The following SUGT1 variants were observed in gnomAD, a reference collection of about 807,000 sequenced individuals.
SUGT1 encodes the protein protein SGT1 homolog.
In SUGT1, 15 loss-of-function variants were observed where a neutral mutation model predicts 56.1. The observed-to-expected ratio is 0.27, with a 90% CI of 0.18 to 0.41. The LOEUF is 0.41. Ranked by LOEUF, SUGT1 falls within the 10% of genes least tolerant of loss-of-function variation. The pLI, the probability that SUGT1 is intolerant of heterozygous loss-of-function variation, is 1.00. For synonymous variants in SUGT1, 123 were observed against 128.6 expected (o/e 0.96, Z 0.30); for missense variants, 347 against 382.2 (o/e 0.91, Z 0.77).
rs550574799 is a variant in SUGT1 at position 52,690,221 on chromosome 13, T to C, written c.*2386T>C. On this transcript the variant is annotated 3_prime_UTR_variant, in exon 13 of 13. Coordinates refer to ENST00000310528, the MANE Select transcript of SUGT1 (RefSeq NM_006704.5). Reference sequence around the variant, plus strand: ...AGATTGCTGCCTAAGAATCCCACTCTAAAGTACTGCTTTGTTTAATCATTC... The same window carrying C: ...AGATTGCTGCCTAAGAATCCCACTCCAAAGTACTGCTTTGTTTAATCATTC... 9 of 152,346 alleles carry C rather than the reference T, an allele frequency of 5.9e-5. No homozygotes were observed. The highest frequency in any genetic ancestry group is 2.2e-4 in the African/African-American group (9 of 41,588). 9.4% of individuals were successfully genotyped at this position (152,346 alleles called of 1,614,324 possible).
chr13:52,666,721 CATT>C, intron 9 of SUGT1, 88 bp from the exon 10 acceptor site: 3 of 806,626 alleles, frequency 3.7e-6, no homozygotes, highest in Non-Finnish European at 6.1e-6. Flanking sequence ...TAATTTGTAA[CATT>C]ATTGAAGATT....
chr13:52,664,152 ATTTTTAAG>A, intron 8 of SUGT1, 95 bp downstream of exon 8: 1 of 1,310,878 alleles, frequency 7.6e-7, no homozygotes, highest in Non-Finnish European at 1.1e-6. Context: ...TTACCATGTG[ATTTTTAAG>A]TTTTTGTTTG....
intron 4 of SUGT1, 74 bp from the exon 5 acceptor site, chr13:52,659,105 A>T: frequency 8.0e-7 from 1 of 1,243,938 alleles, no homozygotes; most frequent in Non-Finnish European, 1.1e-6. Flanking sequence ...GAAAATACTA[A>T]GTTTTTTATT....
At chr13:52,658,223 G>T in intron 3 of SUGT1, 176 bp from the exon 4 acceptor site, 1 of 1,514,388 alleles carries the variant, frequency 6.6e-7, no homozygotes. Flanking sequence ...AAGCCAAAAG[G>T]AAGGTACAAG....
At chr13:52,657,340 T>C (rs146257485) in intron 2 of SUGT1, among the ~76,000 whole-genome samples, 192 bp from the exon 3 acceptor site, 34 of 152,318 alleles carry the variant, frequency 2.2e-4, no homozygotes, top group African/African-American at 7.9e-4. Context: ...TTGCCTACTT[T>C]TGGGAGGAGG....
chr13:52,655,524 C>T (rs939892735), intron 2 of SUGT1, among the ~76,000 whole-genome samples: 10 of 152,020 alleles, frequency 6.6e-5, no homozygotes, highest in Admixed American at 3.3e-4. Flanking sequence ...TAGTGCAGAC[C>T]GGGTCAAAGA....
At chr13:52,657,647 GC>G (rs1360895779) in intron 3 of SUGT1, 25 bp downstream of exon 3, 1 of 1,582,272 alleles carries the variant, frequency 6.3e-7, no homozygotes. Context: ...AAAGTATATT[GC>G]CCCCTTTTAA....
At position 52,698,318 on chromosome 13, in the gene SUGT1, G is replaced by A. The variant is rs758500900; in HGVS notation, c.*10483G>A. 6 of 151,954 alleles carry A rather than the reference G, an allele frequency of 3.9e-5. No individual in the cohort carries two copies. Among genetic ancestry groups the A allele is most frequent in the Non-Finnish European group, 5.9e-5 (4 of 67,988 alleles). The allele number at this position is 151,954 out of a possible 1,614,324, so 9.4% of individuals were successfully genotyped here. ...ATCTTAAATACTATGTAGTCCAAAC[G>A]TTTGGTTTTACAGATGCACTTTTTC... On this transcript the variant is annotated 3_prime_UTR_variant, in exon 13 of 13. Transcript: ENST00000310528.
intron 10 of SUGT1, among the ~76,000 whole-genome samples, chr13:52,669,936 T>G (rs965001319): frequency 6.6e-5 from 10 of 152,196 alleles, no homozygotes; most frequent in African/African-American, 2.4e-4. Context: ...GAGACAACAG[T>G]ACTAAAATAA....
intron 10 of SUGT1, 80 bp from the exon 11 acceptor site, chr13:52,676,150 G>T: frequency 1.8e-6 from 2 of 1,105,818 alleles, no homozygotes; most frequent in South Asian, 1.7e-5. Flanking sequence ...ACAAAACTTT[G>T]ATGACTTAAG....
chr13:52,682,867 T>C (rs1466958779), intron 12 of SUGT1, among the ~76,000 whole-genome samples: 1 of 152,224 alleles, frequency 6.6e-6, no homozygotes, highest in Non-Finnish European at 1.5e-5. Context: ...CATGTAAATT[T>C]TAGAATAAAG....
At position 52,699,642 on chromosome 13, in the gene SUGT1, C is replaced by T. The variant is rs1964030305; in HGVS notation, c.*11807C>T. 1 of 152,044 alleles carries T rather than the reference C, an allele frequency of 6.6e-6. No homozygotes were observed. The highest frequency in any genetic ancestry group is 2.4e-5 in the African/African-American group (1 of 41,398). 9.4% of individuals were successfully genotyped at this position (152,044 alleles called of 1,614,324 possible). A position where few individuals can be genotyped will look rare whatever the true frequency, so the allele number is the denominator to read the frequency against. ...CCATTTGCCTTTAACAGCATTAGTC[C>T]CGCTAAGAGAAAGTTTTTGCTTGTC... On this transcript the variant is annotated 3_prime_UTR_variant, in exon 13 of 13. Transcript: ENST00000310528.
chr13:52,699,923 A>C lies in SUGT1; in HGVS notation c.*12088A>C, dbSNP rs1040126443. 2 of 152,134 alleles carry C rather than the reference A, an allele frequency of 1.3e-5. No homozygotes were observed. The highest frequency in any genetic ancestry group is 3.8e-4 in the East Asian group (2 of 5,196). 9.4% of individuals were successfully genotyped at this position (152,134 alleles called of 1,614,324 possible). A position where few individuals can be genotyped will look rare whatever the true frequency, so the allele number is the denominator to read the frequency against. On this transcript the variant is annotated 3_prime_UTR_variant, in exon 13 of 13. Coordinates refer to ENST00000310528, the MANE Select transcript of SUGT1 (RefSeq NM_006704.5). ...TTTCACACTATCTTGTTACTATTAG[A>C]ATTTTTGTAGCCATGTGCAGAGGAG...
chr13:52,654,777 T>G (rs1183943280), intron 2 of SUGT1, among the ~76,000 whole-genome samples: 3 of 152,260 alleles, frequency 2.0e-5, no homozygotes, highest in African/African-American at 7.2e-5. Flanking sequence ...TCTTTCGCAT[T>G]GCTGTGTAAT....
At chr13:52,665,805 A>G (rs1423964386) in intron 9 of SUGT1, 72 bp downstream of exon 9, 1 of 981,642 alleles carries the variant, frequency 1.0e-6, no homozygotes. Flanking sequence ...AGAATAATCG[A>G]TAACGGTTTA....
chr13:52,680,355 G>T (rs1389662261), intron 12 of SUGT1, among the ~76,000 whole-genome samples, 200 bp downstream of exon 12: 1 of 152,154 alleles, frequency 6.6e-6, no homozygotes, highest in East Asian at 1.9e-4. Flanking sequence ...GAAACAAGTG[G>T]TTTATCTTAA....
At chr13:52,659,018 C>T (rs1335663935) in intron 4 of SUGT1, among the ~76,000 whole-genome samples, 161 bp from the exon 5 acceptor site, 2 of 151,848 alleles carry the variant, frequency 1.3e-5, no homozygotes, top group African/African-American at 4.8e-5. Context: ...AGGAATTGTA[C>T]TAGATCTTAA....
chr13:52,670,959 A>G (rs1240171437), intron 10 of SUGT1, among the ~76,000 whole-genome samples: 2 of 152,314 alleles, frequency 1.3e-5, no homozygotes, highest in Non-Finnish European at 2.9e-5. Context: ...ATTGTGAGAA[A>G]TAAAAATGTC....
intron 10 of SUGT1, 49 bp downstream of exon 10, chr13:52,666,968 A>G: frequency 7.7e-7 from 1 of 1,292,066 alleles, no homozygotes; most frequent in Admixed American, 1.8e-5. Flanking sequence ...AAAATTATAG[A>G]AATACTGGTG....
Sources: allele counts gnomAD v4.1 joint callset (sites outside exome capture counted in the v4.1 genomes callset), GRCh38; gene constraint gnomAD v4.1.1; transcripts MANE v1.5; gene names NCBI Gene and HGNC (gene_info 2026-07-23, HGNC 2026-07-21).